LRRC8A: variants seen among roughly 807,000 people sequenced by gnomAD.
LRRC8A encodes the protein leucine rich repeat containing 8 VRAC subunit A, also known as volume-regulated anion channel subunit LRRC8A.
A neutral mutation model predicts 52.5 loss-of-function variants in LRRC8A; 24 were observed. That is an observed-to-expected ratio of 0.46 (90% CI 0.33 to 0.64). LRRC8A has a LOEUF of 0.64. Among genes scored for constraint, LRRC8A ranks in the 30% least tolerant of loss-of-function variants. LRRC8A has a pLI of 0.02. For synonymous variants in LRRC8A, 492 were observed against 494.2 expected (o/e 1.00, Z 0.06); for missense variants, 677 against 1,094.7 (o/e 0.62, Z 5.38).
Position 128,916,379 on chromosome 9 carries a change from C to T in LRRC8A, c.*8C>T, listed in dbSNP as rs530321477. 41 of 1,602,818 alleles carry T rather than the reference C, an allele frequency of 2.6e-5. No individual in the cohort carries two copies. The highest frequency in any genetic ancestry group is 4.5e-4 in the Middle Eastern group (2 of 4,448). On this transcript the variant is annotated 3_prime_UTR_variant, in exon 4 of 4. Coordinates refer to ENST00000372600, the MANE Select transcript of LRRC8A (RefSeq NM_019594.4). This position sits in a 1 kb window ranked among gnomAD's most constrained non-coding sequence, Gnocchi z 6.1. Reference sequence around the variant, plus strand: ...GACAAGGAGCAGGCCTGAGCGAGGCCGGCCCAGCACAGCAAGCAGCAGGAC... The same window carrying T: ...GACAAGGAGCAGGCCTGAGCGAGGCTGGCCCAGCACAGCAAGCAGCAGGAC...
Position 128,898,039 on chromosome 9 carries a change from AGTGTGTGTGTGTGTGTGTGT to A in LRRC8A, c.-8-9089_-8-9070del, listed in dbSNP as rs58876901. On this transcript the variant is annotated intron_variant, in intron 2 of 3. Coordinates refer to ENST00000372600, the MANE Select transcript of LRRC8A (RefSeq NM_019594.4). ...TCTAACCTCACTTCTAAGATTGTTC[AGTGTGTGTGTGTGTGTGTGT>A]GTGTGTGTGTGTGTGTGTGTGTGTG... Among the ~76,000 whole-genome samples, 97 of 136,488 alleles carry A rather than the reference AGTGTGTGTGTGTGTGTGTGT, an allele frequency of 7.1e-4. No individual in the cohort carries two copies. In the South Asian group the frequency reaches 0.014, roughly 20 times the overall value. 89.5% of individuals were successfully genotyped at this position (136,488 alleles called of 152,430 possible).
At chr9:128,891,781 A>T (rs1839632007) in intron 2 of LRRC8A, among the ~76,000 whole-genome samples, 1 of 152,118 alleles carries the variant, frequency 6.6e-6, no homozygotes, top group Non-Finnish European at 1.5e-5. Context: ...CTCAAGAAGT[A>T]TCTTCAAGGG....
In LRRC8A at chr9:128,907,135, C is replaced by T. The variant is rs1173205404; in HGVS notation, c.-8-22C>T. ...AAGCCAGGCCACCCTGTGCTAACCC[C>T]CCTCCTATGGCTCCCTTTTAGGTTG... On this transcript the variant is annotated intron_variant, in intron 2 of 3. Coordinates refer to ENST00000372600, the MANE Select transcript of LRRC8A (RefSeq NM_019594.4). This position sits in a 1 kb window ranked among gnomAD's most constrained non-coding sequence, Gnocchi z 9.3. The T allele has an allele frequency of 1.3e-6, 2 of 1,579,562 alleles. No individual in the cohort carries two copies.
At chr9:128,903,573 C>T (rs922551160) in intron 2 of LRRC8A, among the ~76,000 whole-genome samples, 10 of 151,920 alleles carry the variant, frequency 6.6e-5, no homozygotes, top group Non-Finnish European at 1.5e-4. Context: ...CCACTATGCC[C>T]GGCTAATTTT....
In LRRC8A at chr9:128,916,669, GGGCTGAGCTGCC is replaced by G. The variant is rs1840836192; in HGVS notation, c.*299_*310del. ...TCCCTGGAGGCCAGCTCTGCCCCAG[GGGCTGAGCTGCC>G]ACCAGAGGTCCTGGGACCCTCACTT... On this transcript the variant is annotated 3_prime_UTR_variant, in exon 4 of 4. Transcript: ENST00000372600. The surrounding 1 kb of genome is among the most constrained non-coding windows in gnomAD (Gnocchi z 6.1). 1 of 343,234 alleles carries G rather than the reference GGGCTGAGCTGCC, an allele frequency of 2.9e-6. No homozygotes were observed. The highest frequency in any genetic ancestry group is 2.0e-5 in the African/African-American group (1 of 48,954). The allele number at this position is 343,234 out of a possible 1,614,324, so 21.3% of individuals were successfully genotyped here.
At chr9:128,915,210 C>T (rs544990128) in intron 3 of LRRC8A, among the ~76,000 whole-genome samples, 25 of 152,290 alleles carry the variant, frequency 1.6e-4, no homozygotes, top group African/African-American at 5.5e-4. Flanking sequence ...CAAGGTCCCC[C>T]GTGGATGCCT....
intron 1 of LRRC8A, 144 bp downstream of exon 1, chr9:128,882,394 G>T (rs1839088381): frequency 3.8e-6 from 1 of 261,568 alleles, no homozygotes; most frequent in Non-Finnish European, 7.2e-6. Flanking sequence ...ACCTCCCGCG[G>T]TGTTCGGCCT....
chr9:128,886,308 T>G (rs893721564), intron 2 of LRRC8A, among the ~76,000 whole-genome samples, 187 bp downstream of exon 2: 1 of 152,216 alleles, frequency 6.6e-6, no homozygotes, highest in African/African-American at 2.4e-5. Flanking sequence ...AATGTGTGCT[T>G]GCCGCACTCA....
rs1840311951 is a variant in LRRC8A at position 128,907,756 on chromosome 9, T to G, written c.592T>G (p.Ser198Ala). 1.2e-6 allele frequency: 2 copies of G among 1,613,572 alleles called. No homozygotes were observed. Among genetic ancestry groups the G allele is most frequent in the Non-Finnish European group, 1.7e-6 (2 of 1,179,862 alleles). ...SKMNGSMDKK[S>A]STVSEDVEAT... The stretch of plus-strand genomic sequence containing the variant: ...GATGAATGGGTCCATGGACAAAAAG[T>G]CATCGACCGTCAGTGAGGACGTGGA... The change falls in exon 3 of 4, where the codon TCA (serine) becomes GCA (alanine). Residue 198 changes from serine to alanine, a missense_variant. Ser to Ala is a moderately conservative substitution (Grantham distance 99, BLOSUM62 1). This residue lies in a region of LRRC8A where 422 missense variants were observed against 741.5 expected (regional missense o/e 0.57). Transcript: ENST00000372600. The surrounding 1 kb of genome is among the most constrained non-coding windows in gnomAD (Gnocchi z 9.3).
chr9:128,886,751 A>G (rs1721657549), intron 2 of LRRC8A, among the ~76,000 whole-genome samples: 1 of 152,228 alleles, frequency 6.6e-6, no homozygotes, highest in Non-Finnish European at 1.5e-5. Context: ...CAGTTGGCAG[A>G]GTGCATGTCC....
chr9:128,891,499 T>TG (rs1345144562), intron 2 of LRRC8A, among the ~76,000 whole-genome samples: 3 of 152,188 alleles, frequency 2.0e-5, no homozygotes, highest in Non-Finnish European at 2.9e-5. Flanking sequence ...AGTTCAAAGT[T>TG]GCAGTGAGTC....
rs1040643991 is a variant in LRRC8A, at chr9:128,902,601, G to A, written c.-8-4556G>A. 1.3e-5 allele frequency among the ~76,000 whole-genome samples: 2 copies of A among 152,190 alleles called. No individual in the cohort carries two copies. Among genetic ancestry groups the A allele is most frequent in the Non-Finnish European group, 2.9e-5 (2 of 68,030 alleles). On this transcript the variant is annotated intron_variant, in intron 2 of 3. Transcript: ENST00000372600. This position sits in a 1 kb window ranked among gnomAD's most constrained non-coding sequence, Gnocchi z 4.1. ...TGTCTCATTCCAGACTTGGGGGCAG[G>A]CAGGCTGCTGCATGCACCGGGCTCC...
intron 2 of LRRC8A, among the ~76,000 whole-genome samples, chr9:128,891,362 C>T (rs1839610406): frequency 6.6e-6 from 1 of 151,470 alleles, no homozygotes; most frequent in South Asian, 2.1e-4. Flanking sequence ...CCAGGAGTTC[C>T]AGACCAGCCT....
chr9:128,883,974 CA>C (rs1418676873), intron 1 of LRRC8A, among the ~76,000 whole-genome samples: 1 of 148,154 alleles, frequency 6.7e-6, no homozygotes, highest in Admixed American at 6.7e-5. Context: ...AATTCCATCT[CA>C]AAAAAACAAA....
chr9:128,895,496 A>G (rs984446262), intron 2 of LRRC8A, among the ~76,000 whole-genome samples: 1 of 152,172 alleles, frequency 6.6e-6, no homozygotes, highest in African/African-American at 2.4e-5. Flanking sequence ...CCTGAGATCC[A>G]CCTGTGCCTG....
intron 2 of LRRC8A, among the ~76,000 whole-genome samples, chr9:128,897,992 GA>G (rs1839884777): frequency 6.6e-6 from 1 of 150,376 alleles, no homozygotes; most frequent in African/African-American, 2.4e-5. Context: ...AGTTTGGGGT[GA>G]AAAAGGGTAA....
rs1179322078 is a variant in LRRC8A, at chr9:128,911,986, T to TG, written c.2157+2666dup. ...GGTGGGCGTGGCCTGCCCACGCCCT[T>TG]GCGTGCTGTTTCTCCAGATTTATAC... On this transcript the variant is annotated intron_variant, in intron 3 of 3. Coordinates refer to ENST00000372600, the MANE Select transcript of LRRC8A (RefSeq NM_019594.4). The surrounding 1 kb of genome is among the most constrained non-coding windows in gnomAD (Gnocchi z 4.9). Among the ~76,000 whole-genome samples, 1 of 152,240 alleles carries TG rather than the reference T, an allele frequency of 6.6e-6. No homozygotes were observed. Among genetic ancestry groups the TG allele is most frequent in the African/African-American group, 2.4e-5 (1 of 41,466 alleles).
intron 2 of LRRC8A, among the ~76,000 whole-genome samples, chr9:128,897,782 G>C (rs1839872949): frequency 6.6e-6 from 1 of 151,986 alleles, no homozygotes; most frequent in African/African-American, 2.4e-5. Flanking sequence ...GACCTCAGGT[G>C]ATCCTCCCAC....
In LRRC8A at chr9:128,907,957, A is replaced by G; in HGVS notation, c.793A>G (p.Met265Val). ...EEGDIVYRLY[M>V]RQTIIKVIKF... is the part of the protein sequence containing the mutation. ...GGGGGACATTGTGTACCGCCTCTAC[A>G]TGCGGCAGACCATCATCAAGGTGAT... Residue 265 changes from methionine to valine, a missense_variant, in exon 3 of 4, where the codon ATG (methionine) becomes GTG (valine). Met to Val is a conservative substitution (Grantham distance 21, BLOSUM62 1). Around this residue, in one of 4 missense-constraint regions of LRRC8A, gnomAD observed 422 missense variants for 741.5 expected, o/e 0.57. Coordinates refer to ENST00000372600, the MANE Select transcript of LRRC8A (RefSeq NM_019594.4). This position sits in a 1 kb window ranked among gnomAD's most constrained non-coding sequence, Gnocchi z 9.3. The G allele has an allele frequency of 6.2e-7, 1 of 1,614,154 alleles. No homozygotes were observed. The highest frequency in any genetic ancestry group is 8.5e-7 in the Non-Finnish European group (1 of 1,180,034).
Sources: gnomAD v4.1 joint callset for allele counts (sites outside exome capture counted in the v4.1 genomes callset) on GRCh38, gnomAD v4.1.1 for gene constraint, gnomAD v4.1.1 regional missense constraint, Gnocchi (gnomAD v3.1) non-coding constraint, MANE v1.5 for transcripts, NCBI Gene and HGNC (gene_info 2026-07-23, HGNC 2026-07-21) for gene names.